The following ITSN1 variants were observed in gnomAD, a reference collection of about 807,000 sequenced individuals.
The protein encoded by ITSN1 is intersectin 1.
A neutral mutation model predicts 239.8 loss-of-function variants in ITSN1; 58 were observed. The observed-to-expected ratio is 0.24, with a 90% CI of 0.20 to 0.30. The LOEUF is 0.30. ITSN1 is among the 10% of genes least tolerant of loss of function. ITSN1 has a pLI of 1.00. For missense variants in ITSN1, 1,558 were observed against 2,103.3 expected, an observed-to-expected ratio of 0.74 and a Z score of 5.07; for synonymous variants, 780 against 770.8, an observed-to-expected ratio of 1.01 and a Z score of -0.20.
intron 15 of ITSN1, 56 bp downstream of exon 15, chr21:33,781,604 G>A: frequency 1.0e-6 from 1 of 999,456 alleles, no homozygotes; most frequent in East Asian, 2.7e-5. Context: ...TTTTTGACAT[G>A]GAGTCTCACT....
At chr21:33,785,925 C>T (rs1306414371) in intron 16 of ITSN1, among the ~76,000 whole-genome samples, 1 of 152,106 alleles carries the variant, frequency 6.6e-6, no homozygotes, top group Non-Finnish European at 1.5e-5. Flanking sequence ...CCAATAATTA[C>T]TTGAGAAAGG....
At chr21:33,646,055 C>G (rs983505857) in intron 1 of ITSN1, among the ~76,000 whole-genome samples, 5 of 152,116 alleles carry the variant, frequency 3.3e-5, no homozygotes, top group African/African-American at 1.2e-4. Context: ...TACATTGCAG[C>G]GAGGCCAATC....
chr21:33,867,926 G>T (rs1302612552), intron 33 of ITSN1, among the ~76,000 whole-genome samples: 4 of 152,128 alleles, frequency 2.6e-5, no homozygotes, highest in Non-Finnish European at 5.9e-5. Context: ...GTGGGCTCGT[G>T]GTCTCGCTAG....
At position 33,814,108 on chromosome 21, in the gene ITSN1, T is replaced by C. The variant is rs764706809; in HGVS notation, c.2727+36T>C. On this transcript the variant is annotated intron_variant, in intron 22 of 39. Coordinates refer to ENST00000381318, the MANE Select transcript of ITSN1 (RefSeq NM_003024.3). The stretch of plus-strand genomic sequence containing the variant: ...CCAGTGAGAGTGTGAAGACTTAGCA[T>C]GCTATCTAGTGCCAAAAACTTCAGC... 3.1e-6 allele frequency: 5 copies of C among 1,588,582 alleles called. No individual in the cohort carries two copies. The Admixed American group carries it at 7.1e-5, about 22-fold the overall frequency.
chr21:33,802,166 A>G, intron 19 of ITSN1, among the ~76,000 whole-genome samples: 1 of 152,190 alleles, frequency 6.6e-6, no homozygotes, highest in East Asian at 1.9e-4. Context: ...GCTCGCTCTC[A>G]TCCTAAAGTA....
chr21:33,755,206 A>C, intron 7 of ITSN1, 91 bp from the exon 8 acceptor site: 4 of 575,036 alleles, frequency 7.0e-6, no homozygotes, highest in Non-Finnish European at 9.0e-6. Context: ...ATGATTATCT[A>C]GAGAAGTTCT....
intron 19 of ITSN1, among the ~76,000 whole-genome samples, chr21:33,800,939 C>T (rs2148076498): frequency 6.6e-6 from 1 of 152,112 alleles, no homozygotes; most frequent in South Asian, 2.1e-4. Context: ...ACCTCTGCCT[C>T]CCTGCAACCT....
At chr21:33,678,021 A>G (rs1328131118) in intron 1 of ITSN1, among the ~76,000 whole-genome samples, 1 of 152,214 alleles carries the variant, frequency 6.6e-6, no homozygotes, top group African/African-American at 2.4e-5. Flanking sequence ...AACCTTTCAA[A>G]GACTTCCCAT....
chr21:33,870,359 C>G (rs1982498626), intron 33 of ITSN1, among the ~76,000 whole-genome samples: 1 of 152,080 alleles, frequency 6.6e-6, no homozygotes, highest in Non-Finnish European at 1.5e-5. Flanking sequence ...AAGAAAAGGA[C>G]TGCATGGCCC....
At chr21:33,751,769 A>T (rs758469134) in intron 6 of ITSN1, 41 bp from the exon 7 acceptor site, 16 of 1,454,910 alleles carry the variant, frequency 1.1e-5, no homozygotes, top group Non-Finnish European at 1.4e-5. Flanking sequence ...AAAGTTTCTT[A>T]TCTTTGTAGA....
chr21:33,686,311 G>A (rs1271517501), intron 1 of ITSN1, among the ~76,000 whole-genome samples: 2 of 151,970 alleles, frequency 1.3e-5, no homozygotes, highest in African/African-American at 4.8e-5. Context: ...AGGTGTTAAT[G>A]TCATTTTTCT....
At chr21:33,750,689 T>C (rs1412689537) in intron 6 of ITSN1, among the ~76,000 whole-genome samples, 1 of 152,234 alleles carries the variant, frequency 6.6e-6, no homozygotes, top group East Asian at 1.9e-4. Flanking sequence ...CACTATGAAT[T>C]GCTAATAAGC....
intron 1 of ITSN1, among the ~76,000 whole-genome samples, chr21:33,683,621 G>A (rs1219657182): frequency 5.3e-5 from 8 of 151,964 alleles, no homozygotes; most frequent in African/African-American, 1.9e-4. Flanking sequence ...TCTGAGAACT[G>A]GTTTGTCTCC....
chr21:33,709,982 C>T (rs755806172), intron 1 of ITSN1, among the ~76,000 whole-genome samples: 62 of 151,902 alleles, frequency 4.1e-4, no homozygotes, highest in African/African-American at 1.2e-3. Flanking sequence ...AGTCTTTAAC[C>T]GTTAACTGTG....
At chr21:33,794,507 C>T in intron 17 of ITSN1, 39 bp downstream of exon 17, 2 of 1,576,530 alleles carry the variant, frequency 1.3e-6, no homozygotes, top group South Asian at 2.4e-5. Flanking sequence ...CTGGAAGGAA[C>T]TTTGAGGATT....
chr21:33,790,154 A>T (rs1488105424), intron 16 of ITSN1, among the ~76,000 whole-genome samples: 2 of 152,092 alleles, frequency 1.3e-5, no homozygotes, highest in Non-Finnish European at 2.9e-5. Flanking sequence ...CATATACCCC[A>T]AGTCTGCATG....
intron 8 of ITSN1, among the ~76,000 whole-genome samples, chr21:33,758,311 T>C (rs976268396): frequency 6.6e-6 from 1 of 152,280 alleles, no homozygotes; most frequent in African/African-American, 2.4e-5. Context: ...AACTGGGTTT[T>C]GCCATGTTCC....
In ITSN1 at chr21:33,865,621, T is replaced by A. The variant is rs1370976566; in HGVS notation, c.4074+287T>A. Among the ~76,000 whole-genome samples the A allele has an allele frequency of 6.6e-6, 1 of 152,270 alleles. No homozygotes were observed. The highest frequency in any genetic ancestry group is 1.5e-5 in the Non-Finnish European group (1 of 68,052). ...GGTGTTATTTGGATGCATGTTTAAA[T>A]CTTTCATTTCATTTGCAAGGCCCAG... is the stretch of plus-strand genomic sequence containing the variant. On this transcript the variant is annotated intron_variant, in intron 32 of 39. Coordinates refer to ENST00000381318, the MANE Select transcript of ITSN1 (RefSeq NM_003024.3). This position sits in a 1 kb window ranked among gnomAD's most constrained non-coding sequence, Gnocchi z 4.4.
chr21:33,771,297 A>C (rs762232107), intron 11 of ITSN1, among the ~76,000 whole-genome samples: 16 of 152,210 alleles, frequency 1.1e-4, no homozygotes, highest in Non-Finnish European at 1.9e-4. Context: ...AATGGTTCTT[A>C]GATGTGGACC....
Sources: gnomAD v4.1 joint callset for allele counts (sites outside exome capture counted in the v4.1 genomes callset) on GRCh38, gnomAD v4.1.1 for gene constraint, Gnocchi (gnomAD v3.1) non-coding constraint, MANE v1.5 for transcripts, NCBI Gene and HGNC (gene_info 2026-07-23, HGNC 2026-07-21) for gene names.